The following IL1RAPL1 variants were observed in gnomAD, a reference collection of about 807,000 sequenced individuals.
IL1RAPL1 encodes interleukin 1 receptor accessory protein like 1, also known as interleukin-1 receptor accessory protein-like 1.
Under a neutral mutation model 48.4 loss-of-function variants are expected in IL1RAPL1, and 3 were observed. The observed-to-expected ratio is 0.06, with a 90% confidence interval of 0.03 to 0.16. IL1RAPL1 has a LOEUF of 0.16. Ranked by LOEUF, IL1RAPL1 falls within the 10% of genes least tolerant of loss-of-function variation. The pLI, the probability that IL1RAPL1 is intolerant of heterozygous loss-of-function variation, is 1.00. For synonymous variants in IL1RAPL1, 185 were observed against 187.7 expected, an observed-to-expected ratio of 0.99 and a Z score of 0.12; for missense variants, 349 against 530.6, an observed-to-expected ratio of 0.66 and a Z score of 3.36.
rs183399318 is a variant in IL1RAPL1, at chrX:29,722,579, C to T, written c.778+54075C>T. Reference sequence around the variant, plus strand: ...ATTTATAGTATGTAACAAATTCTTACGTATGCTTGATATGCTTCTAGACTT... The same window carrying T: ...ATTTATAGTATGTAACAAATTCTTATGTATGCTTGATATGCTTCTAGACTT... On this transcript the variant is annotated intron_variant, in intron 6 of 10. Transcript: ENST00000378993. Among the ~76,000 whole-genome samples, 202 of 111,820 alleles carry T rather than the reference C, an allele frequency of 1.8e-3. 2 individuals carry two copies. The highest frequency in any genetic ancestry group is 6.1e-3 in the African/African-American group (188 of 30,812).
chrX:28,747,867 A>G (rs759078219), intron 1 of IL1RAPL1, among the ~76,000 whole-genome samples: 5 of 111,531 alleles, frequency 4.5e-5, no homozygotes, highest in Non-Finnish European at 7.5e-5. Context: ...ATTGTCTACC[A>G]TTATCATTTC....
At chrX:28,619,888 T>A (rs761962853) in intron 1 of IL1RAPL1, among the ~76,000 whole-genome samples, 2 of 111,651 alleles carry the variant, frequency 1.8e-5, no homozygotes, top group Non-Finnish European at 3.8e-5. Flanking sequence ...TTTTAGTAGA[T>A]GATACCATGT....
At chrX:29,009,654 T>C (rs1926078206) in intron 2 of IL1RAPL1, among the ~76,000 whole-genome samples, 1 of 112,464 alleles carries the variant, frequency 8.9e-6, no homozygotes. Flanking sequence ...TTTTGATTAC[T>C]GTAGCCTTGT....
Position 29,023,085 on chromosome X carries a change from T to G in IL1RAPL1, c.82+233660T>G, listed in dbSNP as rs1028064341. On this transcript the variant is annotated intron_variant, in intron 2 of 10. Transcript: ENST00000378993. ...ATGCCAAAAGGAGGGCAGTTGACGC[T>G]ACCATGAAATAAACTCTACTGCAGC... Among the ~76,000 whole-genome samples the G allele has an allele frequency of 2.7e-5, 3 of 112,050 alleles. No individual in the cohort carries two copies. In the East Asian group the frequency reaches 8.4e-4, roughly 31 times the overall value.
chrX:28,745,647 G>T (rs760181301), intron 1 of IL1RAPL1, among the ~76,000 whole-genome samples: 4 of 111,655 alleles, frequency 3.6e-5, no homozygotes, highest in Non-Finnish European at 7.5e-5. Flanking sequence ...GCATGGGACT[G>T]AATGAAATTA....
intron 5 of IL1RAPL1, among the ~76,000 whole-genome samples, chrX:29,633,985 C>A (rs1304033544): frequency 8.9e-6 from 1 of 111,736 alleles, no homozygotes; most frequent in Non-Finnish European, 1.9e-5. Flanking sequence ...AATTAATCCA[C>A]TACAGTGTTC....
At chrX:28,835,199 T>G (rs1398470475) in intron 2 of IL1RAPL1, among the ~76,000 whole-genome samples, 1 of 111,830 alleles carries the variant, frequency 8.9e-6, no homozygotes, top group Non-Finnish European at 1.9e-5. Flanking sequence ...CATCATGATA[T>G]CTGAAAACCT....
At chrX:29,040,658 A>T (rs1468174562) in intron 2 of IL1RAPL1, among the ~76,000 whole-genome samples, 1 of 112,585 alleles carries the variant, frequency 8.9e-6, no homozygotes, top group Non-Finnish European at 1.9e-5. Context: ...AAAAATAAAT[A>T]AAAAGAAACC....
chrX:29,567,457 G>C (rs942919791), intron 5 of IL1RAPL1, among the ~76,000 whole-genome samples: 2 of 111,748 alleles, frequency 1.8e-5, no homozygotes, highest in Non-Finnish European at 3.8e-5. Flanking sequence ...GACAAAAATA[G>C]GATTCATGTA....
At chrX:29,899,978 A>G (rs1194952491) in intron 6 of IL1RAPL1, among the ~76,000 whole-genome samples, 2 of 111,891 alleles carry the variant, frequency 1.8e-5, no homozygotes, top group African/African-American at 6.5e-5. Flanking sequence ...TGGCAGTTCA[A>G]ACTGCTATGT....
chrX:29,310,136 A>G (rs1602163714), intron 3 of IL1RAPL1, among the ~76,000 whole-genome samples: 1 of 54,338 alleles, frequency 1.8e-5, no homozygotes, highest in Non-Finnish European at 3.0e-5. Context: ...AAAAGAAAGG[A>G]AAAAAAAAAA....
intron 2 of IL1RAPL1, among the ~76,000 whole-genome samples, chrX:29,143,966 T>A (rs1336239978): frequency 9.0e-6 from 1 of 111,666 alleles, no homozygotes; most frequent in Admixed American, 9.6e-5. Context: ...AGTATGAATA[T>A]CAGGAAATAA....
At chrX:28,696,259 A>G (rs1172684205) in intron 1 of IL1RAPL1, among the ~76,000 whole-genome samples, 1 of 110,700 alleles carries the variant, frequency 9.0e-6, no homozygotes, top group Non-Finnish European at 1.9e-5. Flanking sequence ...GTGTACTTTC[A>G]TTTTTCCTCC....
rs187467906 is a variant in IL1RAPL1, at chrX:29,825,186, G to A, written c.779-92278G>A. ...CAGGACTATCAACATTAGTGAGCCG[G>A]GTACCCTGAAGTGAGGTACTCTTTC... On this transcript the variant is annotated intron_variant, in intron 6 of 10. Coordinates refer to ENST00000378993, the MANE Select transcript of IL1RAPL1 (RefSeq NM_014271.4). Among the ~76,000 whole-genome samples the A allele has an allele frequency of 2.7e-5, 3 of 110,520 alleles. No homozygotes were observed. The East Asian group carries it at 8.5e-4, about 31-fold the overall frequency.
chrX:29,534,917 C>T (rs1055993002), intron 5 of IL1RAPL1, among the ~76,000 whole-genome samples: 1 of 107,533 alleles, frequency 9.3e-6, no homozygotes, highest in African/African-American at 3.4e-5. Flanking sequence ...TGCAGTGAGC[C>T]GAGATTGTGC....
Position 29,769,427 on chromosome X carries a change from G to GTTTTTTTTTTTTTT in IL1RAPL1, c.778+100944_778+100957dup, listed in dbSNP as rs749403144. 1.0e-3 allele frequency among the ~76,000 whole-genome samples: 26 copies of GTTTTTTTTTTTTTT among 25,890 alleles called. 3 individuals are homozygous for GTTTTTTTTTTTTTT. Among genetic ancestry groups the GTTTTTTTTTTTTTT allele is most frequent in the African/African-American group, 3.0e-3 (14 of 4,608 alleles). The allele number at this position is 25,890 out of a possible 115,157, so 22.5% of individuals were successfully genotyped here. On this transcript the variant is annotated intron_variant, in intron 6 of 10. Coordinates refer to ENST00000378993, the MANE Select transcript of IL1RAPL1 (RefSeq NM_014271.4). ...CATATTTTTGAGGGACTGCCAAACAGTTTTTTTTTTTTTTTTTTTTTTTTT... is the reference window on the plus strand; with the variant it reads ...CATATTTTTGAGGGACTGCCAAACAGTTTTTTTTTTTTTTTTTTTTTTTTTTTTTTTTTTTTTTT...
At chrX:28,761,640 A>G (rs1198098401) in intron 1 of IL1RAPL1, among the ~76,000 whole-genome samples, 2 of 111,537 alleles carry the variant, frequency 1.8e-5, no homozygotes, top group Non-Finnish European at 3.8e-5. Flanking sequence ...CCTGTTGGGT[A>G]CCATCCCCAC....
intron 6 of IL1RAPL1, among the ~76,000 whole-genome samples, chrX:29,708,049 C>T (rs1176536940): frequency 9.0e-6 from 1 of 110,879 alleles, no homozygotes; most frequent in Non-Finnish European, 1.9e-5. Context: ...CTAAATTCTT[C>T]TTTTCACTCT....
At chrX:29,351,956 T>C (rs1164404069) in intron 3 of IL1RAPL1, among the ~76,000 whole-genome samples, 1 of 112,065 alleles carries the variant, frequency 8.9e-6, no homozygotes, top group Non-Finnish European at 1.9e-5. Flanking sequence ...TTCCCCACCA[T>C]TTGTTCTCAT....
Sources: allele counts gnomAD v4.1 joint callset (sites outside exome capture counted in the v4.1 genomes callset), GRCh38; gene constraint gnomAD v4.1.1; transcripts MANE v1.5; gene names NCBI Gene and HGNC (gene_info 2026-07-23, HGNC 2026-07-21).